Variants in LCP2 observed in about 807,000 individuals in gnomAD.
The protein encoded by LCP2 is lymphocyte cytosolic protein 2, also known as 76 kDa tyrosine phosphoprotein.
A neutral mutation model predicts 74.5 loss-of-function variants in LCP2; 29 were observed. The observed-to-expected ratio is 0.39, with a 90% CI of 0.29 to 0.53. The LOEUF is 0.53. LCP2 is among the 20% of genes least tolerant of loss of function. The pLI is 0.72. For synonymous variants in LCP2, 228 were observed against 229.5 expected (o/e 0.99, Z 0.06); for missense variants, 604 against 634.6 (o/e 0.95, Z 0.52).
chr5:170,291,008 G>T (rs1762285012), intron 2 of LCP2, among the ~76,000 whole-genome samples: 1 of 147,446 alleles, frequency 6.8e-6, no homozygotes, highest in Admixed American at 6.8e-5. Flanking sequence ...AAGAGAGAAA[G>T]AAAGAGAGAA....
At chr5:170,249,949 C>T (rs1286559653) in intron 20 of LCP2, among the ~76,000 whole-genome samples, 3 of 152,202 alleles carry the variant, frequency 2.0e-5, no homozygotes, top group African/African-American at 7.2e-5. Flanking sequence ...AGGGTCTGTG[C>T]AGCTCTATCC....
intron 8 of LCP2, among the ~76,000 whole-genome samples, chr5:170,267,610 C>T (rs1761793246): frequency 6.8e-6 from 1 of 148,088 alleles, no homozygotes; most frequent in Admixed American, 6.8e-5. Flanking sequence ...GTTACCTGGT[C>T]TTCCGTCCCC....
chr5:170,289,356 C>T (rs761492731), intron 2 of LCP2, among the ~76,000 whole-genome samples: 14 of 152,160 alleles, frequency 9.2e-5, no homozygotes, highest in South Asian at 2.1e-4. Context: ...AGCTGCCTGT[C>T]AGGTTTTCTG....
Position 170,297,740 on chromosome 5 carries a change from T to C in LCP2, c.-129A>G. ...TCCCAGCTACCCTGTGGAACACCCC[T>C]GTTGGAGCCGATGTCTTTTCTGGCG... On this transcript the variant is annotated 5_prime_UTR_variant, in exon 1 of 21. Transcript: ENST00000046794. 1 of 656,272 alleles carries C rather than the reference T, an allele frequency of 1.5e-6. No homozygotes were observed. 40.7% of individuals were successfully genotyped at this position (656,272 alleles called of 1,614,324 possible). A position where few individuals can be genotyped will look rare whatever the true frequency, so the allele number is the denominator to read the frequency against.
chr5:170,288,320 A>C (rs897791228), intron 2 of LCP2, among the ~76,000 whole-genome samples: 8 of 152,204 alleles, frequency 5.3e-5, no homozygotes, highest in Non-Finnish European at 1.2e-4. Context: ...GTGAGAGCTA[A>C]ATCTGTGAAA....
Position 170,258,115 on chromosome 5 carries a change from G to A in LCP2, c.1022C>T (p.Thr341Ile). ...TGGCTTAGTAGATCTTGAAGGGAAA[G>A]TGTTGGAGCTCATAGGAAGTAGTGC... Reference protein sequence around the residue: ...QPALLPMSSNTFPSRSTKPSP... With the variant: ...QPALLPMSSNIFPSRSTKPSP... Residue 341 changes from threonine to isoleucine, a missense_variant, in exon 16 of 21, where the codon ACT (threonine) becomes ATT (isoleucine). Physicochemically the swap from Thr to Ile is moderately conservative, Grantham distance 89. Coordinates refer to ENST00000046794, the MANE Select transcript of LCP2 (RefSeq NM_005565.5). The A allele has an allele frequency of 6.2e-7, 1 of 1,613,816 alleles. No individual in the cohort carries two copies. Among genetic ancestry groups the A allele is most frequent in the Non-Finnish European group, 8.5e-7 (1 of 1,179,688 alleles).
intron 2 of LCP2, among the ~76,000 whole-genome samples, chr5:170,290,041 A>C (rs540151730): frequency 2.6e-5 from 4 of 152,318 alleles, no homozygotes; most frequent in Admixed American, 2.0e-4. Flanking sequence ...GAAGACATTC[A>C]GAACGGGGAC....
intron 3 of LCP2, among the ~76,000 whole-genome samples, chr5:170,284,704 C>T (rs1762154217): frequency 6.6e-6 from 1 of 150,748 alleles, no homozygotes; most frequent in Non-Finnish European, 1.5e-5. Context: ...CCTTTAGGGA[C>T]TTTAGATATA....
chr5:170,280,739 G>A (rs1159087170), intron 3 of LCP2, among the ~76,000 whole-genome samples: 2 of 152,138 alleles, frequency 1.3e-5, no homozygotes, highest in Non-Finnish European at 2.9e-5. Flanking sequence ...CAGGTGTGGT[G>A]GCTCATGCCT....
At chr5:170,249,378 A>ATATATATC (rs143444609) in intron 20 of LCP2, among the ~76,000 whole-genome samples, 1 of 128,096 alleles carries the variant, frequency 7.8e-6, no homozygotes, top group South Asian at 2.6e-4. Context: ...ATATATATAT[A>ATATATATC]TATCTACATA....
intron 11 of LCP2, 33 bp from the exon 12 acceptor site, chr5:170,262,894 C>T (rs200356331): frequency 2.5e-6 from 4 of 1,613,880 alleles, no homozygotes; most frequent in Non-Finnish European, 2.5e-6. Flanking sequence ...TATGAGTGTC[C>T]AAGCACTTTT....
chr5:170,260,548 G>A (rs1761633188), intron 14 of LCP2, among the ~76,000 whole-genome samples: 2 of 152,216 alleles, frequency 1.3e-5, no homozygotes, highest in Admixed American at 6.5e-5. Context: ...ATACTCATAT[G>A]TAAAGCGAGA....
chr5:170,269,367 C>A (rs1761850075), intron 7 of LCP2, among the ~76,000 whole-genome samples: 1 of 152,186 alleles, frequency 6.6e-6, no homozygotes, highest in South Asian at 2.1e-4. Flanking sequence ...GCCTCTCTTG[C>A]CCGACTCTAG....
In LCP2 at chr5:170,268,485, G is replaced by A; in HGVS notation, c.524-3C>T. The A allele has an allele frequency of 3.6e-6, 1 of 279,720 alleles. No homozygotes were observed. The highest frequency in any genetic ancestry group is 7.0e-6 in the Non-Finnish European group (1 of 142,472). The allele number at this position is 279,720 out of a possible 1,614,324, so 17.3% of individuals were successfully genotyped here. On this transcript the variant is annotated splice_polypyrimidine_tract_variant and splice_region_variant and intron_variant, in intron 7 of 20. Coordinates refer to ENST00000046794, the MANE Select transcript of LCP2 (RefSeq NM_005565.5). ...GGTTTTCCCAGAGGGGGGCCGGTCT[G>A]TGGAAACACAAGGTTATTAAAGTGA...
At chr5:170,290,939 G>GAAAGAAAGAAAAA (rs1561978934) in intron 2 of LCP2, among the ~76,000 whole-genome samples, 1 of 117,450 alleles carries the variant, frequency 8.5e-6, no homozygotes, top group African/African-American at 3.4e-5. Flanking sequence ...AGAGAAAGAA[G>GAAAGAAAGAAAAA]AAAGAAAGAA....
rs1230807459 is a variant in LCP2 at position 170,262,717 on chromosome 5, T to C, written c.844A>G (p.Ile282Val). Reference sequence around the variant, plus strand: ...GTCGGTGGTAAAGGAGGCTTTTGAATCTTGGGTAAATGCTCCCCGAGTGAC... The same window carrying C: ...GTCGGTGGTAAAGGAGGCTTTTGAACCTTGGGTAAATGCTCCCCGAGTGAC... ...GRSLGEHLPK[I>V]QKPPLPPTTE... The change falls in exon 13 of 21, where the codon ATT becomes GTT. Residue 282 changes from isoleucine to valine, a missense_variant. Ile to Val is a conservative substitution (Grantham distance 29). Transcript: ENST00000046794. The C allele has an allele frequency of 6.2e-7, 1 of 1,613,830 alleles. No homozygotes were observed. Among genetic ancestry groups the C allele is most frequent in the African/African-American group, 1.3e-5 (1 of 74,916 alleles).
intron 15 of LCP2, among the ~76,000 whole-genome samples, 161 bp downstream of exon 15, chr5:170,258,705 A>G (rs933852680): frequency 1.3e-5 from 2 of 152,378 alleles, no homozygotes; most frequent in Non-Finnish European, 1.5e-5. Flanking sequence ...CCATTTTACG[A>G]TAGTTATGCA....
In LCP2 at chr5:170,262,620, A is replaced by G. The variant is rs1761675816; in HGVS notation, c.926+15T>C. The G allele has an allele frequency of 4.4e-6, 7 of 1,588,486 alleles. No homozygotes were observed. Among genetic ancestry groups the G allele is most frequent in the Non-Finnish European group, 6.0e-6 (7 of 1,159,084 alleles). On this transcript the variant is annotated intron_variant, in intron 13 of 20. Coordinates refer to ENST00000046794, the MANE Select transcript of LCP2 (RefSeq NM_005565.5). ...CCACTGTGAGTGACAAGCTCAAGCA[A>G]CACCAGACAATTACTTTGGCACAGG...
chr5:170,275,241 C>T, intron 5 of LCP2, 79 bp downstream of exon 5: 1 of 1,490,214 alleles, frequency 6.7e-7, no homozygotes, highest in Non-Finnish European at 9.4e-7. Flanking sequence ...CTCAAGGAGC[C>T]CCAGGAACCA....
Sources: allele counts gnomAD v4.1 joint callset (sites outside exome capture counted in the v4.1 genomes callset), GRCh38; gene constraint gnomAD v4.1.1; transcripts MANE v1.5; gene names NCBI Gene and HGNC (gene_info 2026-07-23, HGNC 2026-07-21).